The following SUMF1 variants were observed in gnomAD, a reference collection of about 807,000 sequenced individuals.
SUMF1 encodes sulfatase modifying factor 1, also known as formylglycine-generating enzyme.
In SUMF1, 48 loss-of-function variants were observed where a neutral mutation model predicts 47.6. The observed-to-expected ratio is 1.01, with a 90% CI of 0.80 to 1.28. The LOEUF (loss-of-function observed/expected upper bound fraction) is 1.28. SUMF1 is among the 50% of genes most tolerant of loss of function. The pLI, the probability that SUMF1 is intolerant of heterozygous loss-of-function variation, is 0.00. For synonymous variants in SUMF1, 230 were observed against 192.1 expected (o/e 1.20, Z -1.63); for missense variants, 571 against 485.4 (o/e 1.18, Z -1.66).
chr3:4,163,180 G>T (rs996555944), intron 8 of SUMF1, among the ~76,000 whole-genome samples: 1 of 151,346 alleles, frequency 6.6e-6, no homozygotes, highest in Non-Finnish European at 1.5e-5. Flanking sequence ...CTCTTCTCCC[G>T]GTAGACTGCT....
At chr3:4,055,270 T>C (rs1356579624) in intron 9 of SUMF1, among the ~76,000 whole-genome samples, 1 of 152,136 alleles carries the variant, frequency 6.6e-6, no homozygotes, top group African/African-American at 2.4e-5. Context: ...CAGACAAAAG[T>C]ACAAAATAAT....
chr3:4,225,789 G>T (rs1696159245), intron 8 of SUMF1, among the ~76,000 whole-genome samples: 1 of 152,066 alleles, frequency 6.6e-6, no homozygotes, highest in South Asian at 2.1e-4. Context: ...GCTTAGTAAA[G>T]GCCTGTACAA....
intron 8 of SUMF1, among the ~76,000 whole-genome samples, chr3:4,127,316 C>G (rs1693677164): frequency 6.6e-6 from 1 of 152,092 alleles, no homozygotes; most frequent in Non-Finnish European, 1.5e-5. Context: ...TGGGTGTCAA[C>G]TTGATCGGAA....
intron 8 of SUMF1, among the ~76,000 whole-genome samples, chr3:4,112,568 T>C (rs757019329): frequency 6.6e-6 from 1 of 152,126 alleles, no homozygotes; most frequent in Non-Finnish European, 1.5e-5. Context: ...CTTGTGACCA[T>C]CATAAAGATG....
chr3:4,419,738 G>A (rs1701829212), intron 4 of SUMF1, among the ~76,000 whole-genome samples: 1 of 152,028 alleles, frequency 6.6e-6, no homozygotes, highest in Admixed American at 6.6e-5. Context: ...CGCTAATAAT[G>A]GAAACAGAAT....
At chr3:4,072,686 T>C (rs983392172) in intron 8 of SUMF1, among the ~76,000 whole-genome samples, 2 of 152,000 alleles carry the variant, frequency 1.3e-5, no homozygotes, top group African/African-American at 4.8e-5. Flanking sequence ...TCATGAAGCA[T>C]ACAGAAACTT....
At chr3:4,111,352 T>C (rs991315269) in intron 8 of SUMF1, among the ~76,000 whole-genome samples, 4 of 152,070 alleles carry the variant, frequency 2.6e-5, no homozygotes, top group African/African-American at 7.3e-5. Context: ...AACTGTAGTA[T>C]AAAACAGAAT....
intron 8 of SUMF1, among the ~76,000 whole-genome samples, chr3:4,084,997 A>G (rs624204): frequency 0.76 from 115,005 of 151,852 alleles, 44,126 homozygotes; most frequent in African/African-American, 0.88. Context: ...GTCTTGATTC[A>G]TTTATTCAGG....
Position 4,321,216 on chromosome 3 carries a change from T to C in SUMF1, c.1014+55114A>G, listed in dbSNP as rs1303810286. On this transcript the variant is annotated intron_variant and NMD_transcript_variant, in intron 8 of 12. Transcript: ENST00000448413. ...ATACAGAAGGTTACATATAGAAATA[T>C]TTCTAGATTACAGTTAGTATATTAC... Among the ~76,000 whole-genome samples the C allele has an allele frequency of 2.0e-5, 3 of 152,062 alleles. No homozygotes were observed. In the East Asian group the frequency reaches 5.8e-4, roughly 29 times the overall value.
intron 8 of SUMF1, among the ~76,000 whole-genome samples, chr3:4,300,006 T>C (rs1385085649): frequency 6.6e-6 from 1 of 152,194 alleles, no homozygotes; most frequent in East Asian, 1.9e-4. Flanking sequence ...ATTTGGATAT[T>C]TGTCCTCATC....
intron 8 of SUMF1, among the ~76,000 whole-genome samples, chr3:4,312,131 T>C (rs574254248): frequency 1.3e-5 from 2 of 152,328 alleles, no homozygotes; most frequent in South Asian, 2.1e-4. Flanking sequence ...TATCTAGTAA[T>C]ATCTATTTAA....
chr3:4,367,169 G>C (rs1245940242), intron 8 of SUMF1, among the ~76,000 whole-genome samples: 1 of 152,166 alleles, frequency 6.6e-6, no homozygotes, highest in Non-Finnish European at 1.5e-5. Flanking sequence ...GGGGTCAGGG[G>C]TCAGGGACCC....
chr3:4,175,883 A>G (rs1694949063), intron 8 of SUMF1, among the ~76,000 whole-genome samples: 1 of 152,188 alleles, frequency 6.6e-6, no homozygotes, highest in South Asian at 2.1e-4. Flanking sequence ...CGAGAACTTC[A>G]TGACACATGC....
downstream of SUMF1, among the ~76,000 whole-genome samples, chr3:4,357,892 G>A (rs1699657662): frequency 6.6e-6 from 1 of 152,060 alleles, no homozygotes; most frequent in South Asian, 2.1e-4. Flanking sequence ...ACAGGCATGA[G>A]CCACCGTGCC....
chr3:4,388,853 G>A (rs148558223), intron 7 of SUMF1, among the ~76,000 whole-genome samples: 1 of 152,170 alleles, frequency 6.6e-6, no homozygotes, highest in East Asian at 1.9e-4. Flanking sequence ...CAGTTCCAGT[G>A]AAGCATCAAA....
At chr3:4,438,229 CAAA>C (rs200027047) in intron 3 of SUMF1, among the ~76,000 whole-genome samples, 96,423 of 134,554 alleles carry the variant, frequency 0.72, 31,576 homozygotes, top group East Asian at 0.98. Flanking sequence ...GCTATAAGAG[CAAA>C]AAAAAAAAAA....
intron 8 of SUMF1, among the ~76,000 whole-genome samples, chr3:4,229,047 T>G (rs1468311485): frequency 7.9e-5 from 12 of 152,162 alleles, no homozygotes; most frequent in Non-Finnish European, 2.9e-5. Flanking sequence ...GAAACTGTGC[T>G]GAGTGATGTA....
intron 8 of SUMF1, among the ~76,000 whole-genome samples, chr3:4,196,226 C>A (rs1394766434): frequency 6.6e-6 from 1 of 152,046 alleles, no homozygotes; most frequent in Non-Finnish European, 1.5e-5. Flanking sequence ...CTTCATGGAA[C>A]CAGGTTTTGC....
At position 4,362,199 on chromosome 3, in the gene SUMF1, G is replaced by T. The variant is rs1489482200; in HGVS notation, c.1070C>A (p.Ser357Tyr). ...AARSQNTPDS[S>Y]ASNLGFRCAA... ...ACAGCGGAATCCCAGATTCGAAGCA[G>T]AGCTATCAGGTGTGTTCTGGCTCCG... Residue 357 changes from serine (S) to tyrosine (Y), a missense_variant, in exon 9 of 9, where the codon TCT becomes TAT. Transcript: ENST00000272902. 1.9e-6 allele frequency: 3 copies of T among 1,614,220 alleles called. No individual in the cohort carries two copies. The highest frequency in any genetic ancestry group is 1.3e-5 in the African/African-American group (1 of 75,062).
Sources: allele counts gnomAD v4.1 joint callset (sites outside exome capture counted in the v4.1 genomes callset), GRCh38; gene constraint gnomAD v4.1.1; transcripts MANE v1.5; gene names NCBI Gene and HGNC (gene_info 2026-07-23, HGNC 2026-07-21).